Variants in USP18 observed in about 807,000 individuals in gnomAD.
USP18 encodes the protein ubl carboxyl-terminal hydrolase 18.
In USP18, 11 loss-of-function variants were observed where a neutral mutation model predicts 48.7. That is an observed-to-expected ratio of 0.23 (90% CI 0.14 to 0.37). The LOEUF (loss-of-function observed/expected upper bound fraction) is 0.37, where lower values mean the gene tolerates loss of function less well. USP18 is among the 10% of genes least tolerant of loss of function. USP18 has a pLI of 1.00. For synonymous variants in USP18, 114 were observed against 163.2 expected, an observed-to-expected ratio of 0.70 and a Z score of 2.30; for missense variants, 285 against 436.4, an observed-to-expected ratio of 0.65 and a Z score of 3.09.
At chr22:18,160,024 G>T (rs1929284468) in intron 2 of USP18, 148 bp from the exon 3 acceptor site, 4 of 754,248 alleles carry the variant, frequency 5.3e-6, no homozygotes, top group Non-Finnish European at 9.5e-6. Flanking sequence ...ATGTTGGCCA[G>T]GCTGGTCTCG....
In USP18 at chr22:18,164,102, T is replaced by C. The variant is rs543651933; in HGVS notation, c.400+2167T>C. On this transcript the variant is annotated intron_variant, in intron 4 of 10. Transcript: ENST00000215794. ...TAGCGAATGCTGGCTGCTCTCTGCT[T>C]AGAGACGGACAGGTTAGTTGGAAGC... Among the ~76,000 whole-genome samples, 13 of 152,356 alleles carry C rather than the reference T, an allele frequency of 8.5e-5. No homozygotes were observed. In the South Asian group the frequency reaches 1.9e-3, roughly 22 times the overall value.
At chr22:18,164,269 A>C (rs1203333303) in intron 4 of USP18, among the ~76,000 whole-genome samples, 4 of 151,706 alleles carry the variant, frequency 2.6e-5, no homozygotes, top group Non-Finnish European at 1.5e-5. Flanking sequence ...TGCACTGTGC[A>C]GACAAACTCC....
chr22:18,163,725 C>T (rs753398367), intron 4 of USP18, among the ~76,000 whole-genome samples: 34 of 152,184 alleles, frequency 2.2e-4, no homozygotes, highest in African/African-American at 7.5e-4. Flanking sequence ...GTATAAGAGA[C>T]GAACTTACCA....
chr22:18,170,006 T>C lies in USP18; in HGVS notation c.723+67T>C, dbSNP rs531049392. ...TATGGGGGATTTGTTCCAGGACCCC[T>C]GCTTTTACCAAAATCCACACACACT... On this transcript the variant is annotated intron_variant, in intron 7 of 10. Transcript: ENST00000215794. 2.1e-3 allele frequency: 3,149 copies of C among 1,513,796 alleles called. 49 individuals are homozygous for C. In the African/African-American group the frequency reaches 0.038, roughly 18 times the overall value. 93.8% of individuals were successfully genotyped at this position (1,513,796 alleles called of 1,614,324 possible).
intron 4 of USP18, among the ~76,000 whole-genome samples, chr22:18,166,199 G>C (rs1279220494): frequency 1.3e-5 from 2 of 152,122 alleles, no homozygotes; most frequent in African/African-American, 4.8e-5. Flanking sequence ...TCTTTTGCCA[G>C]CTCTAATCTG....
intron 10 of USP18, among the ~76,000 whole-genome samples, chr22:18,175,017 C>G (rs1007034262): frequency 6.6e-6 from 1 of 151,934 alleles, no homozygotes; most frequent in Non-Finnish European, 1.5e-5. Flanking sequence ...GGGTTCATGC[C>G]ATTCTCCTGC....
In USP18 at chr22:18,173,064, T is replaced by C; in HGVS notation, c.892-86T>C. On this transcript the variant is annotated intron_variant, in intron 8 of 10. Coordinates refer to ENST00000215794, the MANE Select transcript of USP18 (RefSeq NM_017414.4). ...TTTCTAATATTCTAAAGTCCCAGAG[T>C]CGGGCCTAGTGTGGGCAGGTATAAA... 1.3e-6 allele frequency: 2 copies of C among 1,594,850 alleles called. 1 individual carries two copies.
rs779312271 is a variant in USP18 at position 18,161,926 on chromosome 22, A to G, written c.391A>G (p.Asn131Asp). ...GCTGGCCTACTGCCTGCAGAAGTGC[A>G]ACGTGCCCTGTAAGATACCCTCCCA... Reference protein sequence around the residue: ...LELAYCLQKCNVPLFVQHDAA... With the variant: ...LELAYCLQKCDVPLFVQHDAA... The change falls in exon 4 of 11, where the codon AAC becomes GAC. Residue 131 changes from asparagine (N) to aspartate (D), a missense_variant. By Grantham distance (23) the Asn-to-Asp change is conservative. This residue lies in a region of USP18 where 199 missense variants were observed against 239.6 expected (regional missense o/e 0.83). Coordinates refer to ENST00000215794, the MANE Select transcript of USP18 (RefSeq NM_017414.4). 1 of 1,612,700 alleles carries G rather than the reference A, an allele frequency of 6.2e-7. No individual in the cohort carries two copies. Among genetic ancestry groups the G allele is most frequent in the Non-Finnish European group, 8.5e-7 (1 of 1,179,302 alleles).
At chr22:18,159,607 C>T (rs542812994) in intron 2 of USP18, among the ~76,000 whole-genome samples, 2 of 151,388 alleles carry the variant, frequency 1.3e-5, no homozygotes, top group South Asian at 2.1e-4. Context: ...AAGCAATTCT[C>T]CTGCCTCAGC....
chr22:18,173,918 A>C, intron 10 of USP18, 76 bp downstream of exon 10: 2 of 1,496,764 alleles, frequency 1.3e-6, no homozygotes, highest in Non-Finnish European at 1.8e-6. Context: ...ACGCCCATGG[A>C]TTCCCCTGTT....
At chr22:18,165,530 C>T (rs1361800805) in intron 4 of USP18, among the ~76,000 whole-genome samples, 2 of 120,372 alleles carry the variant, frequency 1.7e-5, no homozygotes, top group Admixed American at 1.8e-4. Context: ...TTCCTGTTTC[C>T]TGTTAGCCCT....
intron 4 of USP18, among the ~76,000 whole-genome samples, chr22:18,162,305 A>G (rs1322042522): frequency 7.3e-6 from 1 of 136,702 alleles, no homozygotes; most frequent in Admixed American, 7.2e-5. Flanking sequence ...TTTTTTTTTT[A>G]GATAGCTATA....
At chr22:18,159,868 G>A (rs1162732448) in intron 2 of USP18, among the ~76,000 whole-genome samples, 4 of 151,886 alleles carry the variant, frequency 2.6e-5, no homozygotes, top group Admixed American at 6.6e-5. Context: ...TAGTAGAGAC[G>A]GGGTTTCACC....
Position 18,173,736 on chromosome 22 carries a change from C to T in USP18, c.1024-57C>T, listed in dbSNP as rs550253675. ...TGAGGGGCACATTATAGCATCCTGT[C>T]CTCTGTGGGTGCTTGTGTCAGCTGG... On this transcript the variant is annotated intron_variant, in intron 9 of 10. Coordinates refer to ENST00000215794, the MANE Select transcript of USP18 (RefSeq NM_017414.4). 15 of 1,604,510 alleles carry T rather than the reference C, an allele frequency of 9.3e-6. No individual in the cohort carries two copies. In the East Asian group the frequency reaches 1.1e-4, roughly 12 times the overall value.
intron 1 of USP18, among the ~76,000 whole-genome samples, chr22:18,152,563 C>T (rs1270167624): frequency 1.3e-5 from 2 of 151,832 alleles, no homozygotes; most frequent in Non-Finnish European, 2.9e-5. Context: ...AAAGACCCCG[C>T]GCCTGGCCTG....
chr22:18,175,039 G>A (rs1929746374), intron 10 of USP18, among the ~76,000 whole-genome samples: 1 of 152,116 alleles, frequency 6.6e-6, no homozygotes, highest in Admixed American at 6.5e-5. Flanking sequence ...TCAGCCTCCT[G>A]AGTAGCTGGG....
At chr22:18,156,574 C>T (rs1177696844) in intron 1 of USP18, among the ~76,000 whole-genome samples, 1 of 152,092 alleles carries the variant, frequency 6.6e-6, no homozygotes. Flanking sequence ...GTAACACTCA[C>T]CGTGAAGGTC....
intron 9 of USP18, among the ~76,000 whole-genome samples, 191 bp downstream of exon 9, chr22:18,173,472 TC>T (rs1019671170): frequency 6.6e-6 from 1 of 152,158 alleles, no homozygotes; most frequent in Admixed American, 6.5e-5. Context: ...CTGTAAGGGT[TC>T]AATTCACTTC....
Position 18,157,792 on chromosome 22 carries a change from G to A in USP18, c.129G>A (p.Glu43=). ...DSNMKREQPR[E]RPRAWDYPHG... is the part of the protein sequence containing the mutation. ...ACATGAAGAGAGAGCAGCCCAGAGA[G>A]CGTCCCAGGGCCTGGGACTACCCTC... Residue 43 remains glutamate, a synonymous_variant, in exon 2 of 11, where the codon GAG becomes GAA. Coordinates refer to ENST00000215794, the MANE Select transcript of USP18 (RefSeq NM_017414.4). The A allele has an allele frequency of 1.9e-6, 3 of 1,614,128 alleles. No homozygotes were observed. Among genetic ancestry groups the A allele is most frequent in the Non-Finnish European group, 2.5e-6 (3 of 1,180,004 alleles).
Sources: allele counts gnomAD v4.1 joint callset (sites outside exome capture counted in the v4.1 genomes callset), GRCh38; gene constraint gnomAD v4.1.1; regional missense constraint gnomAD v4.1.1; transcripts MANE v1.5; gene names NCBI Gene and HGNC (gene_info 2026-07-23, HGNC 2026-07-21).